NDFIP2: variants seen among roughly 807,000 people sequenced by gnomAD.
NDFIP2 encodes the protein Nedd4 family interacting protein 2.
Under a neutral mutation model 36.0 loss-of-function variants are expected in NDFIP2, and 19 were observed. The ratio of observed to expected loss-of-function variants is 0.53; its 90% CI spans 0.37 to 0.77. NDFIP2 has a LOEUF of 0.77. Among genes scored for constraint, NDFIP2 ranks in the 30% least tolerant of loss-of-function variants. The probability of loss-of-function intolerance (pLI) is 0.00; values close to 1 mark genes in which losing one functional copy is unlikely to be tolerated. For synonymous variants in NDFIP2, 181 were observed against 167.7 expected (o/e 1.08, Z -0.61); for missense variants, 446 against 435.8 (o/e 1.02, Z -0.21).
At chr13:79,493,609 G>A (rs990439904) in intron 1 of NDFIP2, among the ~76,000 whole-genome samples, 1 of 152,114 alleles carries the variant, frequency 6.6e-6, no homozygotes, top group Non-Finnish European at 1.5e-5. Flanking sequence ...GGGAGGTTCT[G>A]TTCAAGGTTA....
At chr13:79,533,130 C>T (rs1875082105) in intron 2 of NDFIP2, among the ~76,000 whole-genome samples, 193 bp from the exon 3 acceptor site, 1 of 152,078 alleles carries the variant, frequency 6.6e-6, no homozygotes, top group South Asian at 2.1e-4. Flanking sequence ...CATTCTTTCT[C>T]TTTATAATAA....
intron 1 of NDFIP2, among the ~76,000 whole-genome samples, chr13:79,491,790 T>C (rs1321960926): frequency 6.6e-6 from 1 of 152,218 alleles, no homozygotes; most frequent in Admixed American, 6.5e-5. Flanking sequence ...GGCTATGCAA[T>C]TGTAAATCAT....
intron 1 of NDFIP2, among the ~76,000 whole-genome samples, chr13:79,510,366 C>T (rs1874036994): frequency 6.6e-6 from 1 of 150,814 alleles, no homozygotes; most frequent in African/African-American, 2.5e-5. Context: ...AAGGTGAGCC[C>T]ATGGTGATTT....
intron 6 of NDFIP2, among the ~76,000 whole-genome samples, chr13:79,550,073 C>CT (rs1471730370): frequency 6.6e-6 from 1 of 151,770 alleles, no homozygotes; most frequent in African/African-American, 2.4e-5. Flanking sequence ...TGAGGAAAGT[C>CT]ATACACATAC....
At chr13:79,523,535 T>A (rs954007127) in intron 2 of NDFIP2, among the ~76,000 whole-genome samples, 3 of 152,226 alleles carry the variant, frequency 2.0e-5, no homozygotes, top group African/African-American at 7.2e-5. Context: ...TGTGTTTTTT[T>A]AATATATACA....
chr13:79,551,467 T>C (rs991063510), intron 7 of NDFIP2, among the ~76,000 whole-genome samples: 1 of 151,348 alleles, frequency 6.6e-6, no homozygotes, highest in African/African-American at 2.4e-5. Flanking sequence ...AAACAAAATA[T>C]GACATAGTAC....
At chr13:79,552,184 T>G (rs1047270112) in intron 7 of NDFIP2, among the ~76,000 whole-genome samples, 2 of 151,420 alleles carry the variant, frequency 1.3e-5, no homozygotes, top group African/African-American at 4.8e-5. Context: ...CGCTTTTTTA[T>G]TTTAACAAGC....
intron 2 of NDFIP2, among the ~76,000 whole-genome samples, chr13:79,526,631 G>A (rs1447424658): frequency 3.9e-5 from 6 of 152,178 alleles, no homozygotes; most frequent in Admixed American, 3.9e-4. Flanking sequence ...GGTAACACAA[G>A]AACCTTGAAG....
chr13:79,530,018 A>G (rs767644679), intron 2 of NDFIP2, among the ~76,000 whole-genome samples: 1 of 152,224 alleles, frequency 6.6e-6, no homozygotes, highest in Non-Finnish European at 1.5e-5. Flanking sequence ...CTTTACTGCT[A>G]AAAGATACTA....
At chr13:79,482,165 CTTTCTTTTTTTT>C (rs1298200954) in intron 1 of NDFIP2, among the ~76,000 whole-genome samples, 1 of 58,848 alleles carries the variant, frequency 1.7e-5, no homozygotes, top group African/African-American at 6.6e-5. Context: ...TTCTTTCTTT[CTTTCTTTTTTTT>C]TTTTTTTTTT....
chr13:79,493,748 T>C (rs560879894), intron 1 of NDFIP2, among the ~76,000 whole-genome samples: 1 of 152,122 alleles, frequency 6.6e-6, no homozygotes, highest in Non-Finnish European at 1.5e-5. Context: ...ATGCCAGACA[T>C]AGAGAGCATG....
At position 79,481,225 on chromosome 13, in the gene NDFIP2, C is replaced by A. The variant is rs1305232370; in HGVS notation, c.22C>A (p.Arg8=). 2 of 1,518,186 alleles carry A rather than the reference C, an allele frequency of 1.3e-6. No individual in the cohort carries two copies. The highest frequency in any genetic ancestry group is 2.1e-5 in the Admixed American group (1 of 48,430). The allele number at this position is 1,518,186 out of a possible 1,614,324, so 94.0% of individuals were successfully genotyped here. ...GCGGATGGCACGCCGGCGGAGCCAG[C>A]GAGTCTGCGCGAGCGGTCCGAGCAT... MARRRSQ[R]VCASGPSMLN... Residue 8 remains arginine, a synonymous_variant, in exon 1 of 8, where the codon CGA becomes AGA. Coordinates refer to ENST00000218652, the MANE Select transcript of NDFIP2 (RefSeq NM_019080.3).
chr13:79,517,226 T>A (rs1295346001), intron 1 of NDFIP2, among the ~76,000 whole-genome samples: 1 of 152,164 alleles, frequency 6.6e-6, no homozygotes, highest in African/African-American at 2.4e-5. Context: ...AGGAGGCTCA[T>A]AAGTAGGAAG....
At chr13:79,521,113 G>C in intron 2 of NDFIP2, 138 bp downstream of exon 2, 1 of 689,186 alleles carries the variant, frequency 1.5e-6, no homozygotes, top group Non-Finnish European at 2.3e-6. Context: ...CATACTGTGT[G>C]CACATATAAA....
At chr13:79,481,934 C>T (rs557431338) in intron 1 of NDFIP2, among the ~76,000 whole-genome samples, 3 of 152,174 alleles carry the variant, frequency 2.0e-5, no homozygotes, top group Admixed American at 2.0e-4. Context: ...AGGTGATCGC[C>T]GTCATAAATG....
intron 1 of NDFIP2, among the ~76,000 whole-genome samples, chr13:79,493,017 G>A (rs918799060): frequency 6.6e-6 from 1 of 151,522 alleles, no homozygotes; most frequent in African/African-American, 2.4e-5. Context: ...TTACTTTCAA[G>A]TTCTGCGTGT....
chr13:79,545,364 T>C (rs1003087878), intron 5 of NDFIP2, among the ~76,000 whole-genome samples: 1 of 152,214 alleles, frequency 6.6e-6, no homozygotes, highest in South Asian at 2.1e-4. Flanking sequence ...TTATCACCTC[T>C]AGTTGATGTG....
intron 2 of NDFIP2, 56 bp from the exon 3 acceptor site, chr13:79,533,267 A>G (rs1594855722): frequency 1.3e-6 from 2 of 1,546,842 alleles, no homozygotes; most frequent in Non-Finnish European, 1.8e-6. Context: ...AGTCATGGCT[A>G]TGGCTACAAA....
chr13:79,483,886 C>T (rs773954125), intron 1 of NDFIP2, among the ~76,000 whole-genome samples: 12 of 152,134 alleles, frequency 7.9e-5, no homozygotes, highest in African/African-American at 2.4e-4. Flanking sequence ...AGGTATGACA[C>T]GTAATTTTAT....
Sources: allele counts gnomAD v4.1 joint callset (sites outside exome capture counted in the v4.1 genomes callset), GRCh38; gene constraint gnomAD v4.1.1; transcripts MANE v1.5; gene names NCBI Gene and HGNC (gene_info 2026-07-23, HGNC 2026-07-21).